PDE10A: variants seen among roughly 807,000 people sequenced by gnomAD.
The protein encoded by PDE10A is cAMP and cAMP-inhibited cGMP 3',5'-cyclic phosphodiesterase 10A.
PDE10A carries 39 observed loss-of-function variants against 97.7 expected under a neutral mutation model. The observed-to-expected ratio is 0.40, with a 90% CI of 0.31 to 0.52. The LOEUF (loss-of-function observed/expected upper bound fraction) is 0.52, where lower values mean the gene tolerates loss of function less well. Among genes scored for constraint, PDE10A ranks in the 20% least tolerant of loss-of-function variants. PDE10A has a pLI of 0.56. For missense variants in PDE10A, 731 were observed against 1,047.8 expected (o/e 0.70, Z 4.17); for synonymous variants, 371 against 376.8 (o/e 0.98, Z 0.18).
intron 2 of PDE10A, among the ~76,000 whole-genome samples, chr6:165,485,714 T>C (rs1278136343): frequency 2.0e-5 from 3 of 151,268 alleles, no homozygotes; most frequent in Non-Finnish European, 4.4e-5. Flanking sequence ...TGCCTCAGCC[T>C]CCTGAGTAGC....
At chr6:165,676,505 G>A (rs537216810) in intron 1 of PDE10A, among the ~76,000 whole-genome samples, 5 of 152,292 alleles carry the variant, frequency 3.3e-5, no homozygotes, top group African/African-American at 1.2e-4. Flanking sequence ...GGGCGTGGTC[G>A]GCTGGGGCCT....
intron 1 of PDE10A, among the ~76,000 whole-genome samples, chr6:165,765,384 G>A (rs1050685701): frequency 3.9e-5 from 6 of 152,238 alleles, no homozygotes; most frequent in Non-Finnish European, 8.8e-5. Context: ...CCACGGAGGC[G>A]GGGGAAGGCT....
At chr6:165,859,116 C>G (rs1191459148) in intron 1 of PDE10A, among the ~76,000 whole-genome samples, 2 of 152,150 alleles carry the variant, frequency 1.3e-5, no homozygotes, top group Non-Finnish European at 2.9e-5. Flanking sequence ...ATTCACTGAT[C>G]AAAACAAAAC....
At chr6:165,780,252 G>A (rs966534643) in intron 1 of PDE10A, 2 of 152,106 alleles carry the variant, frequency 1.3e-5, no homozygotes, top group Non-Finnish European at 2.9e-5. Context: ...TGTTCAAAAA[G>A]GCCAGTCATT....
At chr6:165,648,734 A>C (rs1029252156) in intron 1 of PDE10A, among the ~76,000 whole-genome samples, 3 of 152,260 alleles carry the variant, frequency 2.0e-5, no homozygotes, top group African/African-American at 7.2e-5. Context: ...CCCTCACAAA[A>C]GGAACAGAAC....
At chr6:165,795,362 C>T (rs938564852) in intron 1 of PDE10A, among the ~76,000 whole-genome samples, 2 of 152,090 alleles carry the variant, frequency 1.3e-5, no homozygotes, top group Non-Finnish European at 2.9e-5. Flanking sequence ...CATCCACCGT[C>T]GTGGTGCCCA....
intron 1 of PDE10A, among the ~76,000 whole-genome samples, chr6:165,581,380 T>C (rs1785609255): frequency 6.6e-6 from 1 of 152,180 alleles, no homozygotes; most frequent in Non-Finnish European, 1.5e-5. Flanking sequence ...ACAGGATTAG[T>C]GCCCTCACAA....
intron 1 of PDE10A, among the ~76,000 whole-genome samples, chr6:165,627,018 T>A (rs1187717306): frequency 1.3e-5 from 2 of 152,236 alleles, no homozygotes; most frequent in Non-Finnish European, 2.9e-5. Context: ...TGATATTCAC[T>A]GACCTCTTTC....
intron 1 of PDE10A, among the ~76,000 whole-genome samples, chr6:165,679,289 T>C (rs757690944): frequency 2.6e-5 from 4 of 152,224 alleles, no homozygotes; most frequent in Non-Finnish European, 5.9e-5. Flanking sequence ...TAAACCCAGA[T>C]AACCAGATCA....
chr6:165,379,912 TA>T lies in PDE10A; in HGVS notation c.2611-547del, dbSNP rs1784832657. Reference sequence around the variant, plus strand: ...CAATAAAATGTTTATTCAAACACATTAAAAACTCTAAGGGCAAGAGTACCTT... The same window carrying T: ...CAATAAAATGTTTATTCAAACACATTAAAACTCTAAGGGCAAGAGTACCTT... On this transcript the variant is annotated intron_variant, in intron 17 of 21. Transcript: ENST00000539869. Among the ~76,000 whole-genome samples the T allele has an allele frequency of 3.3e-5, 5 of 152,118 alleles. No homozygotes were observed. The South Asian group carries it at 1.0e-3, about 32-fold the overall frequency.
intron 18 of PDE10A, among the ~76,000 whole-genome samples, chr6:165,349,936 T>C (rs531675366): frequency 2.6e-5 from 4 of 152,270 alleles, no homozygotes; most frequent in Admixed American, 1.3e-4. Flanking sequence ...AGAGAATGTA[T>C]GGAAAAGCCT....
At chr6:165,685,686 A>G (rs1791095523) in intron 1 of PDE10A, among the ~76,000 whole-genome samples, 1 of 152,126 alleles carries the variant, frequency 6.6e-6, no homozygotes, top group Non-Finnish European at 1.5e-5. Flanking sequence ...ATGAGAAAAG[A>G]AACTCCACAG....
chr6:165,955,892 A>G (rs1784121055), intron 1 of PDE10A, among the ~76,000 whole-genome samples: 1 of 152,242 alleles, frequency 6.6e-6, no homozygotes, highest in Admixed American at 6.5e-5. Context: ...TATACATTTG[A>G]TTCATATAAA....
chr6:165,673,882 G>C (rs763039079), intron 1 of PDE10A, among the ~76,000 whole-genome samples: 1 of 152,164 alleles, frequency 6.6e-6, no homozygotes, highest in African/African-American at 2.4e-5. Context: ...GCGTGTTTAT[G>C]AATTTCCAAA....
chr6:165,809,457 G>A (rs1490670616), intron 1 of PDE10A, among the ~76,000 whole-genome samples: 11 of 152,098 alleles, frequency 7.2e-5, no homozygotes, highest in Non-Finnish European at 2.9e-5. Flanking sequence ...GCATGCTTTG[G>A]AGCCCTGTGC....
At chr6:165,358,780 T>C (rs1264243570) in intron 18 of PDE10A, among the ~76,000 whole-genome samples, 2 of 151,964 alleles carry the variant, frequency 1.3e-5, no homozygotes, top group Admixed American at 6.5e-5. Flanking sequence ...TGTGGTTTTA[T>C]CAAATGTACT....
At chr6:165,958,266 C>T (rs1447004302) in intron 1 of PDE10A, among the ~76,000 whole-genome samples, 12 of 151,986 alleles carry the variant, frequency 7.9e-5, no homozygotes, top group African/African-American at 1.9e-4. Context: ...GGTTTGAACA[C>T]GCAGGTGCCC....
At chr6:165,762,439 G>A (rs1793273818) in intron 1 of PDE10A, among the ~76,000 whole-genome samples, 1 of 151,524 alleles carries the variant, frequency 6.6e-6, no homozygotes, top group African/African-American at 2.4e-5. Context: ...TTTTTAAAAG[G>A]CTCATTACAA....
At position 165,663,072 on chromosome 6, in the gene PDE10A, C is replaced by T. The variant is rs1348025316; in HGVS notation, c.-261G>A. ...ACCCTCAGGCGCGCACAATCGGCGT[C>T]CTCCCGGGCCGGGGCTAGGGACGGC... is the stretch of plus-strand genomic sequence containing the variant. On this transcript the variant is annotated 5_prime_UTR_variant, in exon 1 of 22. Transcript: ENST00000539869. Among the ~76,000 whole-genome samples, 1 of 151,720 alleles carries T rather than the reference C, an allele frequency of 6.6e-6. No homozygotes were observed. The highest frequency in any genetic ancestry group is 1.5e-5 in the Non-Finnish European group (1 of 67,860).
Sources: gnomAD v4.1 joint callset for allele counts (sites outside exome capture counted in the v4.1 genomes callset) on GRCh38, gnomAD v4.1.1 for gene constraint, MANE v1.5 for transcripts, NCBI Gene and HGNC (gene_info 2026-07-23, HGNC 2026-07-21) for gene names.